Variants in MTARC2 observed in about 807,000 individuals in gnomAD.
MTARC2 encodes MOCO sulphurase C-terminal domain containing 2.
A neutral mutation model predicts 35.6 loss-of-function variants in MTARC2; 27 were observed. That is an observed-to-expected ratio of 0.76 (90% CI 0.56 to 1.04). The LOEUF (loss-of-function observed/expected upper bound fraction) is 1.04, where lower values mean the gene tolerates loss of function less well. MTARC2 is among the 50% of genes least tolerant of loss of function. MTARC2 has a pLI of 0.00. For synonymous variants in MTARC2, 158 were observed against 167.1 expected (o/e 0.95, Z 0.42); for missense variants, 412 against 432.5 (o/e 0.95, Z 0.42).
At chr1:220,779,143 C>T (rs758840182) in intron 4 of MTARC2, among the ~76,000 whole-genome samples, 5 of 152,078 alleles carry the variant, frequency 3.3e-5, no homozygotes, top group Non-Finnish European at 7.4e-5. Flanking sequence ...TGCCTCCCTA[C>T]AATATAATCC....
chr1:220,774,945 G>A (rs1401950473), intron 4 of MTARC2, among the ~76,000 whole-genome samples: 2 of 151,366 alleles, frequency 1.3e-5, no homozygotes, highest in Non-Finnish European at 1.5e-5. Context: ...ATATAGACCC[G>A]TGTGTGTGCG....
At chr1:220,778,880 C>T (rs1434334390) in intron 4 of MTARC2, among the ~76,000 whole-genome samples, 1 of 152,184 alleles carries the variant, frequency 6.6e-6, no homozygotes, top group African/African-American at 2.4e-5. Context: ...TGTACAAACC[C>T]TGTCAAGCCA....
At chr1:220,778,944 A>G (rs988480397) in intron 4 of MTARC2, among the ~76,000 whole-genome samples, 10 of 152,196 alleles carry the variant, frequency 6.6e-5, no homozygotes, top group Non-Finnish European at 1.5e-4. Flanking sequence ...GTCCTGCCAC[A>G]TCTTTGCCCA....
chr1:220,769,402 C>T (rs549649485), intron 4 of MTARC2, among the ~76,000 whole-genome samples: 25 of 152,284 alleles, frequency 1.6e-4, no homozygotes, highest in African/African-American at 5.8e-4. Context: ...CCGGTGGGTC[C>T]CCCTCTGGCT....
chr1:220,760,856 A>G (rs1572298438), intron 2 of MTARC2, among the ~76,000 whole-genome samples: 1 of 152,354 alleles, frequency 6.6e-6, no homozygotes, highest in African/African-American at 2.4e-5. Flanking sequence ...GAGGAATAAT[A>G]CAAAAATGTT....
intron 4 of MTARC2, among the ~76,000 whole-genome samples, chr1:220,777,352 G>T (rs1392043417): frequency 6.6e-6 from 1 of 152,168 alleles, no homozygotes; most frequent in Non-Finnish European, 1.5e-5. Context: ...GGCCCGGGAG[G>T]GGGTTGGAGG....
intron 4 of MTARC2, among the ~76,000 whole-genome samples, chr1:220,771,538 G>C (rs1359997097): frequency 6.6e-6 from 1 of 152,144 alleles, no homozygotes; most frequent in East Asian, 1.9e-4. Context: ...CAAACATGGG[G>C]TCATGAGAAA....
intron 2 of MTARC2, among the ~76,000 whole-genome samples, chr1:220,759,114 C>T (rs768875384): frequency 3.0e-4 from 45 of 152,098 alleles, no homozygotes; most frequent in Non-Finnish European, 5.1e-4. Context: ...CATAGCAAGT[C>T]TTAAAAACAC....
intron 1 of MTARC2, among the ~76,000 whole-genome samples, chr1:220,754,687 T>C (rs929240109): frequency 5.9e-5 from 9 of 152,148 alleles, no homozygotes; most frequent in Non-Finnish European, 1.3e-4. Context: ...GCCAGGCTCA[T>C]GTTCTTGTTT....
intron 4 of MTARC2, among the ~76,000 whole-genome samples, chr1:220,765,950 C>G (rs1003574172): frequency 2.6e-5 from 4 of 152,172 alleles, no homozygotes; most frequent in African/African-American, 9.7e-5. Flanking sequence ...TGTGACAAGG[C>G]CTGCATCTCT....
intron 4 of MTARC2, among the ~76,000 whole-genome samples, chr1:220,772,738 G>A (rs1380504018): frequency 6.6e-6 from 1 of 152,010 alleles, no homozygotes; most frequent in African/African-American, 2.4e-5. Flanking sequence ...AGTGGATGCT[G>A]AAGACTTGCT....
chr1:220,771,296 C>CAAAAA (rs57776178), intron 4 of MTARC2, among the ~76,000 whole-genome samples: 714 of 57,080 alleles, frequency 0.013, 115 homozygotes, highest in African/African-American at 0.045. Flanking sequence ...GAGACTGTCT[C>CAAAAA]AAAAAAAAAA....
At chr1:220,776,470 G>A (rs994416947) in intron 4 of MTARC2, among the ~76,000 whole-genome samples, 1 of 151,856 alleles carries the variant, frequency 6.6e-6, no homozygotes, top group African/African-American at 2.4e-5. Context: ...ATTAATAATT[G>A]CATTTAAACT....
rs978096525 is a variant in MTARC2 at position 220,754,293 on chromosome 1, C to T, written c.273-654C>T. On this transcript the variant is annotated intron_variant, in intron 1 of 7. Coordinates refer to ENST00000366913, the MANE Select transcript of MTARC2 (RefSeq NM_017898.5). ...CAAAGTAAGAAAACCAAGTCCAGTA[C>T]AGTGGGCTCTCTAGGAAATAAGTGG... 1.8e-5 allele frequency: 8 copies of T among 456,124 alleles called. No individual in the cohort carries two copies. In the East Asian group the frequency reaches 4.2e-4, roughly 24 times the overall value. The allele number at this position is 456,124 out of a possible 1,614,324, so 28.3% of individuals were successfully genotyped here.
intron 4 of MTARC2, among the ~76,000 whole-genome samples, chr1:220,768,054 A>G (rs1671629483): frequency 6.6e-6 from 1 of 152,222 alleles, no homozygotes; most frequent in African/African-American, 2.4e-5. Flanking sequence ...AACAATATAC[A>G]AAAATAGCAG....
chr1:220,761,632 C>A (rs1671437867), intron 2 of MTARC2, 26 bp from the exon 3 acceptor site: 1 of 1,597,750 alleles, frequency 6.3e-7, no homozygotes, highest in Non-Finnish European at 8.5e-7. Context: ...AGTAAGTAAC[C>A]TGGTGTTCTT....
At chr1:220,777,055 A>G (rs1008966117) in intron 4 of MTARC2, among the ~76,000 whole-genome samples, 2 of 152,190 alleles carry the variant, frequency 1.3e-5, no homozygotes, top group Non-Finnish European at 2.9e-5. Flanking sequence ...GTTCTTCGCA[A>G]TAAGTTACTG....
intron 2 of MTARC2, among the ~76,000 whole-genome samples, chr1:220,755,342 C>T (rs960679370): frequency 2.0e-5 from 3 of 152,074 alleles, no homozygotes; most frequent in Non-Finnish European, 2.9e-5. Flanking sequence ...TGGTTAGACA[C>T]GCAGACATAG....
chr1:220,753,273 C>T (rs1475317802), intron 1 of MTARC2, among the ~76,000 whole-genome samples: 2 of 151,932 alleles, frequency 1.3e-5, no homozygotes, highest in Non-Finnish European at 2.9e-5. Flanking sequence ...GTGGTCTCCT[C>T]AGTGGGGTGG....
Sources: gnomAD v4.1 joint callset for allele counts (sites outside exome capture counted in the v4.1 genomes callset) on GRCh38, gnomAD v4.1.1 for gene constraint, MANE v1.5 for transcripts, NCBI Gene and HGNC (gene_info 2026-07-23, HGNC 2026-07-21) for gene names.